Variants in PPP2R3B observed in about 807,000 individuals in gnomAD.
PPP2R3B encodes the protein protein phosphatase 2 regulatory subunit B''beta, also known as serine/threonine-protein phosphatase 2A regulatory subunit B'' subunit beta.
A neutral mutation model predicts 72.9 loss-of-function variants in PPP2R3B; 68 were observed. The observed-to-expected ratio is 0.93, with a 90% CI of 0.77 to 1.14. PPP2R3B has a LOEUF of 1.14. Ranked by LOEUF, PPP2R3B falls within the 50% of genes most tolerant of loss-of-function variation. The pLI, the probability that PPP2R3B is intolerant of heterozygous loss-of-function variation, is 0.00. For synonymous variants in PPP2R3B, 466 were observed against 375.8 expected (o/e 1.24, Z -2.78); for missense variants, 1,018 against 842.0 (o/e 1.21, Z -2.59).
chrX:369,390 C>T (rs1477790741), intron 1 of PPP2R3B, among the ~76,000 whole-genome samples: 1 of 152,224 alleles, frequency 6.6e-6, no homozygotes, highest in African/African-American at 2.4e-5. Context: ...TGACTCCCAA[C>T]AAGCTATTTC....
At chrX:351,029 T>C (rs2071320648) in intron 2 of PPP2R3B, among the ~76,000 whole-genome samples, 3 of 151,838 alleles carry the variant, frequency 2.0e-5, no homozygotes, top group Admixed American at 2.0e-4. Flanking sequence ...CGTGGGGGAC[T>C]GCAGAGGGGG....
chrX:368,268 G>A (rs1301053556), intron 1 of PPP2R3B, among the ~76,000 whole-genome samples: 1 of 143,926 alleles, frequency 6.9e-6, no homozygotes, highest in African/African-American at 2.7e-5. Context: ...CAGACACGGG[G>A]AAGGCCGGGA....
intron 2 of PPP2R3B, among the ~76,000 whole-genome samples, chrX:351,903 G>A (rs1402597665): frequency 4.6e-5 from 7 of 152,046 alleles, no homozygotes; most frequent in Admixed American, 1.3e-4. Context: ...CTATGTTGCC[G>A]AGGCTGGTCT....
intron 1 of PPP2R3B, among the ~76,000 whole-genome samples, chrX:366,413 C>A (rs868656940): frequency 1.2e-3 from 6 of 4,908 alleles, no homozygotes; most frequent in Admixed American, 3.9e-3. Context: ...GGTGCCTGTA[C>A]TCCCAGCTAC....
intron 7 of PPP2R3B, among the ~76,000 whole-genome samples, chrX:344,428 G>A: frequency 6.6e-6 from 1 of 152,362 alleles, no homozygotes; most frequent in South Asian, 2.1e-4. Flanking sequence ...GGTCACCGGT[G>A]TCCCTGGGAC....
At chrX:338,957 G>T (rs909334214) in intron 10 of PPP2R3B, 61 bp from the exon 11 acceptor site, 13 of 1,396,804 alleles carry the variant, frequency 9.3e-6, no homozygotes, top group Non-Finnish European at 1.3e-5. Flanking sequence ...GGGCCTGGGT[G>T]TGGGGTGCGC....
In PPP2R3B at chrX:386,824, C is replaced by T. The variant is rs1353209952; in HGVS notation, c.-133G>A. On this transcript the variant is annotated 5_prime_UTR_variant, in exon 1 of 13. Coordinates refer to ENST00000390665, the MANE Select transcript of PPP2R3B (RefSeq NM_013239.5). ...GGGGCGCGGCGCAGGGAACAGGGCC[C>T]GCGCCTCGGGAACTGCGCGGACTCG... The T allele has an allele frequency of 2.4e-5, 10 of 411,470 alleles. No homozygotes were observed. Among genetic ancestry groups the T allele is most frequent in the Non-Finnish European group, 3.6e-5 (10 of 279,130 alleles). 25.5% of individuals were successfully genotyped at this position (411,470 alleles called of 1,614,324 possible). A position where few individuals can be genotyped will look rare whatever the true frequency, so the allele number is the denominator to read the frequency against.
At position 382,483 on chromosome X, in the gene PPP2R3B, C is replaced by T. The variant is rs773433729; in HGVS notation, c.324+3885G>A. 2.0e-5 allele frequency among the ~76,000 whole-genome samples: 3 copies of T among 152,212 alleles called. No homozygotes were observed. The East Asian group carries it at 5.8e-4, about 29-fold the overall frequency. ...AAAGTGCTAGGAATTCAGGTGTGAG[C>T]GACTGAGCCTGGTCTCATTTTCACC... On this transcript the variant is annotated intron_variant, in intron 1 of 12. Transcript: ENST00000390665.
In PPP2R3B at chrX:334,303, AGCCGCG is replaced by A; in HGVS notation, c.*58_*63del. On this transcript the variant is annotated 3_prime_UTR_variant, in exon 13 of 13. Coordinates refer to ENST00000390665, the MANE Select transcript of PPP2R3B (RefSeq NM_013239.5). ...CATTTTCCACAACAGTTTTTACACGAGCCGCGGTGGCCCGGTGGTGGCACGTGGGGA... is the reference window on the plus strand; with the variant it reads ...CATTTTCCACAACAGTTTTTACACGAGTGGCCCGGTGGTGGCACGTGGGGA... The A allele has an allele frequency of 7.1e-7, 1 of 1,415,606 alleles. No individual in the cohort carries two copies. Among genetic ancestry groups the A allele is most frequent in the Non-Finnish European group, 9.2e-7 (1 of 1,085,466 alleles). The allele number at this position is 1,415,606 out of a possible 1,614,324, so 87.7% of individuals were successfully genotyped here.
intron 1 of PPP2R3B, among the ~76,000 whole-genome samples, chrX:364,413 C>G (rs943412659): frequency 2.0e-5 from 3 of 151,068 alleles, no homozygotes; most frequent in African/African-American, 2.4e-5. Context: ...TGCCTGCAAT[C>G]CTGGCGCTTT....
At chrX:350,302 G>A (rs920854787) in intron 2 of PPP2R3B, among the ~76,000 whole-genome samples, 2 of 152,208 alleles carry the variant, frequency 1.3e-5, no homozygotes, top group South Asian at 4.1e-4. Context: ...GGAAGGAAAC[G>A]AGGGACGCTG....
intron 2 of PPP2R3B, among the ~76,000 whole-genome samples, chrX:360,063 T>G (rs1455507717): frequency 6.6e-6 from 1 of 152,186 alleles, no homozygotes; most frequent in African/African-American, 2.4e-5. Flanking sequence ...GACAAAGGAC[T>G]CACAAGAAAA....
intron 2 of PPP2R3B, among the ~76,000 whole-genome samples, chrX:356,097 G>A (rs1412967898): frequency 4.6e-5 from 7 of 152,182 alleles, no homozygotes; most frequent in Non-Finnish European, 8.8e-5. Flanking sequence ...GCCAGGACGG[G>A]ACGCCTGCAC....
intron 7 of PPP2R3B, chrX:345,076 G>T: frequency 2.3e-6 from 1 of 438,814 alleles, no homozygotes; most frequent in Non-Finnish European, 4.5e-6. Flanking sequence ...GGCTCCCGCG[G>T]AGGTATATGA....
Position 334,179 on chromosome X carries a change from C to CG in PPP2R3B, c.*187_*188insC, listed in dbSNP as rs2070820556. On this transcript the variant is annotated 3_prime_UTR_variant, in exon 13 of 13. Transcript: ENST00000390665. ...TTCACGCGCGGCCCTACGTGTCCCC[C>CG]TGGCACAGAGCTCTGGGCAGGTCCA... 1.6e-6 allele frequency: 1 copy of CG among 618,176 alleles called. No individual in the cohort carries two copies. Among genetic ancestry groups the CG allele is most frequent in the African/African-American group, 2.0e-5 (1 of 50,538 alleles). The allele number at this position is 618,176 out of a possible 1,614,324, so 38.3% of individuals were successfully genotyped here. A position where few individuals can be genotyped will look rare whatever the true frequency, so the allele number is the denominator to read the frequency against.
At position 339,295 on chromosome X, in the gene PPP2R3B, G is replaced by A. The variant is rs776424449; in HGVS notation, c.1352-399C>T. On this transcript the variant is annotated intron_variant, in intron 10 of 12. Coordinates refer to ENST00000390665, the MANE Select transcript of PPP2R3B (RefSeq NM_013239.5). Reference sequence around the variant, plus strand: ...GCCGGGGGGGGCAGGGCTGCAGGGCGGTGCCCGGGCCTCAGAGCCATTTCC... The same window carrying A: ...GCCGGGGGGGGCAGGGCTGCAGGGCAGTGCCCGGGCCTCAGAGCCATTTCC... Among the ~76,000 whole-genome samples, 771 of 143,248 alleles carry A rather than the reference G, an allele frequency of 5.4e-3. 9 individuals carry two copies. The highest frequency in any genetic ancestry group is 0.019 in the African/African-American group (717 of 38,146). The allele number at this position is 143,248 out of a possible 152,430, so 94.0% of individuals were successfully genotyped here. A position where few individuals can be genotyped will look rare whatever the true frequency, so the allele number is the denominator to read the frequency against.
intron 1 of PPP2R3B, among the ~76,000 whole-genome samples, chrX:384,392 C>T (rs1441122986): frequency 6.6e-6 from 1 of 151,290 alleles, no homozygotes; most frequent in Non-Finnish European, 1.5e-5. Flanking sequence ...CGACTCCCAG[C>T]TTCAAGCATT....
chrX:381,291 C>G (rs949269208), intron 1 of PPP2R3B, among the ~76,000 whole-genome samples: 4 of 152,278 alleles, frequency 2.6e-5, no homozygotes, highest in African/African-American at 9.6e-5. Flanking sequence ...GCAAGCACCC[C>G]TTTCAAACAC....
intron 2 of PPP2R3B, 142 bp from the exon 3 acceptor site, chrX:347,835 A>T: frequency 1.6e-6 from 1 of 606,924 alleles, no homozygotes; most frequent in Non-Finnish European, 2.8e-6. Flanking sequence ...CTGTCTGGGC[A>T]TCTGCAAACT....
Sources: allele counts gnomAD v4.1 joint callset (sites outside exome capture counted in the v4.1 genomes callset), GRCh38; gene constraint gnomAD v4.1.1; transcripts MANE v1.5; gene names NCBI Gene and HGNC (gene_info 2026-07-23, HGNC 2026-07-21).